The following METAP1D variants were observed in gnomAD, a reference collection of about 807,000 sequenced individuals.
METAP1D encodes the protein methionyl aminopeptidase type 1D, mitochondrial.
METAP1D carries 31 observed loss-of-function variants against 40.5 expected under a neutral mutation model. The ratio of observed to expected loss-of-function variants is 0.77; its 90% CI spans 0.58 to 1.03. METAP1D has a LOEUF of 1.03. Among genes scored for constraint, METAP1D ranks in the 50% least tolerant of loss-of-function variants. The probability of loss-of-function intolerance (pLI) is 0.00; values close to 1 mark genes in which losing one functional copy is unlikely to be tolerated. For synonymous variants in METAP1D, 151 were observed against 146.4 expected, an observed-to-expected ratio of 1.03 and a Z score of -0.22; for missense variants, 411 against 420.7, an observed-to-expected ratio of 0.98 and a Z score of 0.20.
intron 9 of METAP1D, 47 bp downstream of exon 9, chr2:172,080,253 G>A (rs1168466184): frequency 6.2e-7 from 1 of 1,613,900 alleles, no homozygotes; most frequent in Non-Finnish European, 8.5e-7. Flanking sequence ...GGGAAAGGAA[G>A]ATTGGTCCGA....
intron 1 of METAP1D, among the ~76,000 whole-genome samples, chr2:172,029,687 C>T (rs894298877): frequency 3.3e-5 from 5 of 152,190 alleles, no homozygotes; most frequent in African/African-American, 9.6e-5. Flanking sequence ...CAAAAATAAC[C>T]GCCTCAAACT....
At chr2:172,065,495 T>C in intron 3 of METAP1D, 109 bp from the exon 4 acceptor site, 1 of 1,062,234 alleles carries the variant, frequency 9.4e-7, no homozygotes, top group Non-Finnish European at 1.4e-6. Flanking sequence ...AACTTTATCA[T>C]AGTAAATTTA....
At chr2:172,006,835 AT>A (rs1688598852) in intron 1 of METAP1D, among the ~76,000 whole-genome samples, 1 of 152,168 alleles carries the variant, frequency 6.6e-6, no homozygotes, top group Non-Finnish European at 1.5e-5. Flanking sequence ...CAGGTGGATT[AT>A]TTTGAAGCAC....
At chr2:172,008,702 A>G (rs1688644436) in intron 1 of METAP1D, among the ~76,000 whole-genome samples, 1 of 27,046 alleles carries the variant, frequency 3.7e-5, no homozygotes, top group Admixed American at 2.7e-4. Context: ...TTCTCTCAAA[A>G]TATCTTTTTC....
intron 1 of METAP1D, among the ~76,000 whole-genome samples, chr2:172,042,969 A>G (rs60479543): frequency 0.56 from 63,362 of 113,132 alleles, 22,546 homozygotes; most frequent in African/African-American, 0.61. Flanking sequence ...ATATATGCGT[A>G]CATGTGCATA....
At chr2:172,012,770 T>C (rs1043764679) in intron 1 of METAP1D, among the ~76,000 whole-genome samples, 5 of 152,218 alleles carry the variant, frequency 3.3e-5, no homozygotes, top group African/African-American at 1.2e-4. Flanking sequence ...TTCATACTGC[T>C]TATGCTTAAA....
chr2:172,037,189 G>T (rs1689415645), intron 1 of METAP1D, among the ~76,000 whole-genome samples: 1 of 152,096 alleles, frequency 6.6e-6, no homozygotes. Context: ...TTGAACCCGG[G>T]AGGCGGAGGT....
chr2:172,000,003 C>T lies in METAP1D; in HGVS notation c.34C>T (p.Arg12Cys), dbSNP rs938287183. Residue 12 changes from arginine to cysteine, a missense_variant, in exon 1 of 10, where the codon CGC becomes TGC. By Grantham distance (180) the Arg-to-Cys change is radical. Coordinates refer to ENST00000315796, the MANE Select transcript of METAP1D (RefSeq NM_199227.3). The stretch of plus-strand genomic sequence containing the variant: ...GCCCAGTGGCGTCCACCTGCTCGTC[C>T]GCAGAGGTAAGCGCGTGGAGGAGAG... ...AAPSGVHLLV[R>C]RGSHRIFSSP... 2.2e-6 allele frequency: 3 copies of T among 1,340,170 alleles called. No individual in the cohort carries two copies. The highest frequency in any genetic ancestry group is 2.9e-6 in the Non-Finnish European group (3 of 1,036,988). 83.0% of individuals were successfully genotyped at this position (1,340,170 alleles called of 1,614,324 possible).
At chr2:172,028,805 G>A (rs1355327375) in intron 1 of METAP1D, among the ~76,000 whole-genome samples, 1 of 152,104 alleles carries the variant, frequency 6.6e-6, no homozygotes, top group Non-Finnish European at 1.5e-5. Context: ...TGTTTTTAAT[G>A]TCTGTTATAC....
intron 1 of METAP1D, among the ~76,000 whole-genome samples, chr2:172,010,073 A>T (rs1173498645): frequency 6.6e-6 from 1 of 151,960 alleles, no homozygotes; most frequent in African/African-American, 2.4e-5. Flanking sequence ...ATTTAGCAGT[A>T]GAAGGAGCTT....
At chr2:172,023,857 C>CTT (rs11355201) in intron 1 of METAP1D, among the ~76,000 whole-genome samples, 27,907 of 139,098 alleles carry the variant, frequency 0.2, 3,116 homozygotes, top group Non-Finnish European at 0.24. Context: ...CTGTAAAATT[C>CTT]TTTTTTTTTT....
chr2:172,015,381 G>A (rs1357193956), intron 1 of METAP1D, among the ~76,000 whole-genome samples: 1 of 151,942 alleles, frequency 6.6e-6, no homozygotes, highest in Non-Finnish European at 1.5e-5. Flanking sequence ...CACTGCACTC[G>A]AGCCTGGGCA....
At chr2:172,059,217 T>A (rs1690073845) in intron 1 of METAP1D, among the ~76,000 whole-genome samples, 1 of 151,992 alleles carries the variant, frequency 6.6e-6, no homozygotes, top group Non-Finnish European at 1.5e-5. Flanking sequence ...CGAGTAGTTC[T>A]CCTGCCTTAG....
At chr2:172,005,832 A>G (rs1178912294) in intron 1 of METAP1D, among the ~76,000 whole-genome samples, 2 of 151,824 alleles carry the variant, frequency 1.3e-5, no homozygotes, top group Non-Finnish European at 2.9e-5. Flanking sequence ...GCTACCATGT[A>G]TAACACATTT....
chr2:172,010,095 C>T (rs1688675352), intron 1 of METAP1D, among the ~76,000 whole-genome samples: 1 of 151,252 alleles, frequency 6.6e-6, no homozygotes, highest in South Asian at 2.1e-4. Context: ...TGAAAAGTGA[C>T]AGTTGGTGGT....
intron 1 of METAP1D, among the ~76,000 whole-genome samples, chr2:172,052,490 A>G (rs548714101): frequency 6.6e-6 from 1 of 152,350 alleles, no homozygotes; most frequent in African/African-American, 2.4e-5. Flanking sequence ...GACTGTCTCC[A>G]TAATTACATG....
chr2:172,057,383 T>C (rs778495350), intron 1 of METAP1D, among the ~76,000 whole-genome samples: 1 of 152,210 alleles, frequency 6.6e-6, no homozygotes, highest in Non-Finnish European at 1.5e-5. Flanking sequence ...TATGTGGTCC[T>C]GCCTAGCAAT....
At chr2:172,069,660 G>A (rs1356067385) in intron 5 of METAP1D, among the ~76,000 whole-genome samples, 2 of 152,148 alleles carry the variant, frequency 1.3e-5, no homozygotes, top group Non-Finnish European at 2.9e-5. Context: ...ACTGTAAGTG[G>A]GAGTAAATGT....
At chr2:172,077,738 C>T (rs866403736) in intron 6 of METAP1D, 59 bp from the exon 7 acceptor site, 3 of 769,546 alleles carry the variant, frequency 3.9e-6, no homozygotes, top group African/African-American at 1.8e-5. Flanking sequence ...TTTGTTTTAT[C>T]TTAGTATGCC....
Sources: allele counts gnomAD v4.1 joint callset (sites outside exome capture counted in the v4.1 genomes callset), GRCh38; gene constraint gnomAD v4.1.1; transcripts MANE v1.5; gene names NCBI Gene and HGNC (gene_info 2026-07-23, HGNC 2026-07-21).